The following SND1 variants were observed in gnomAD, a reference collection of about 807,000 sequenced individuals.
SND1 encodes the protein staphylococcal nuclease and tudor domain containing 1, also known as staphylococcal nuclease domain-containing protein 1.
SND1 carries 38 observed loss-of-function variants against 121.7 expected under a neutral mutation model. The ratio of observed to expected loss-of-function variants is 0.31; its 90% confidence interval spans 0.24 to 0.41. SND1 has a LOEUF of 0.41. Among genes scored for constraint, SND1 ranks in the 10% least tolerant of loss-of-function variants. The pLI, the probability that SND1 is intolerant of heterozygous loss-of-function variation, is 1.00. For synonymous variants in SND1, 401 were observed against 447.4 expected (o/e 0.90, Z 1.31); for missense variants, 868 against 1,184.6 (o/e 0.73, Z 3.92).
intron 1 of SND1, among the ~76,000 whole-genome samples, chr7:127,680,596 G>T (rs1795703830): frequency 6.6e-6 from 1 of 151,922 alleles, no homozygotes; most frequent in Admixed American, 6.6e-5. Flanking sequence ...GTTCCGCCCG[G>T]CTCACCGGCG....
At chr7:127,853,108 A>G (rs1167142836) in intron 12 of SND1, among the ~76,000 whole-genome samples, 1 of 152,178 alleles carries the variant, frequency 6.6e-6, no homozygotes, top group African/African-American at 2.4e-5. Context: ...CTGGTCCTGC[A>G]GCAGAGAGGA....
chr7:127,780,219 T>C (rs1279812780), intron 10 of SND1, among the ~76,000 whole-genome samples: 1 of 152,196 alleles, frequency 6.6e-6, no homozygotes, highest in Non-Finnish European at 1.5e-5. Context: ...TTAGTTTTGG[T>C]TTCTTATGTG....
chr7:127,676,933 G>A (rs1476768767), intron 1 of SND1, among the ~76,000 whole-genome samples: 1 of 152,160 alleles, frequency 6.6e-6, no homozygotes, highest in Non-Finnish European at 1.5e-5. Context: ...GTAGAGATGG[G>A]GTTTCACCTT....
At chr7:127,884,165 C>G (rs1189933910) in intron 12 of SND1, among the ~76,000 whole-genome samples, 1 of 152,072 alleles carries the variant, frequency 6.6e-6, no homozygotes, top group East Asian at 1.9e-4. Flanking sequence ...GACATGTCTC[C>G]TATTTTTTTT....
chr7:127,947,713 A>G (rs1801359923), intron 15 of SND1, among the ~76,000 whole-genome samples: 1 of 152,134 alleles, frequency 6.6e-6, no homozygotes, highest in Non-Finnish European at 1.5e-5. Context: ...CTCTTATCAT[A>G]TTTGCAGTTC....
intron 13 of SND1, among the ~76,000 whole-genome samples, chr7:127,895,330 C>G (rs1450292530): frequency 2.6e-5 from 4 of 152,058 alleles, no homozygotes; most frequent in African/African-American, 9.7e-5. Context: ...ATTTTTAGCT[C>G]AAGCATCATA....
At chr7:127,956,344 T>A (rs1434711130) in intron 15 of SND1, among the ~76,000 whole-genome samples, 3 of 152,206 alleles carry the variant, frequency 2.0e-5, no homozygotes, top group African/African-American at 7.2e-5. Context: ...CATTTATAGC[T>A]GGACTGTGGC....
rs1042155226 is a variant in SND1, at chr7:127,940,556, G to T, written c.1669+11227G>T. Among the ~76,000 whole-genome samples, 5 of 152,210 alleles carry T rather than the reference G, an allele frequency of 3.3e-5. No individual in the cohort carries two copies. The East Asian group carries it at 7.7e-4, about 23-fold the overall frequency. Reference sequence around the variant, plus strand: ...GCCAGGGTGAACAGTGCACACTGCTGTAAGACTTAATCCTGGTTGCTATGG... The same window carrying T: ...GCCAGGGTGAACAGTGCACACTGCTTTAAGACTTAATCCTGGTTGCTATGG... On this transcript the variant is annotated intron_variant, in intron 15 of 23. Transcript: ENST00000354725.
At chr7:128,035,254 G>T (rs557573408) in intron 16 of SND1, among the ~76,000 whole-genome samples, 1 of 152,152 alleles carries the variant, frequency 6.6e-6, no homozygotes, top group Non-Finnish European at 1.5e-5. Flanking sequence ...GTTTCTTACC[G>T]CTCTCTTAGT....
At chr7:127,910,035 G>C (rs1800421519) in intron 14 of SND1, among the ~76,000 whole-genome samples, 2 of 152,194 alleles carry the variant, frequency 1.3e-5, no homozygotes, top group African/African-American at 2.4e-5. Context: ...TAATAGCACT[G>C]TCATCCTTTC....
At chr7:127,676,564 A>T (rs1479758679) in intron 1 of SND1, among the ~76,000 whole-genome samples, 1 of 152,208 alleles carries the variant, frequency 6.6e-6, no homozygotes, top group Non-Finnish European at 1.5e-5. Flanking sequence ...CAAACTTAAG[A>T]GATGATACTT....
intron 13 of SND1, among the ~76,000 whole-genome samples, chr7:127,892,191 C>T (rs1454749551): frequency 6.6e-6 from 1 of 152,118 alleles, no homozygotes; most frequent in African/African-American, 2.4e-5. Context: ...GTCAGCACAG[C>T]TGCCTGCCTA....
At chr7:127,968,984 C>T (rs554414996) in intron 15 of SND1, among the ~76,000 whole-genome samples, 4 of 152,314 alleles carry the variant, frequency 2.6e-5, no homozygotes, top group East Asian at 1.9e-4. Flanking sequence ...TCAGTCTTTA[C>T]GACTCAACTC....
chr7:128,028,465 TC>T (rs977908719), intron 16 of SND1: 65 of 486,036 alleles, frequency 1.3e-4, no homozygotes, highest in Non-Finnish European at 1.8e-4. Flanking sequence ...TTCCCAAGAT[TC>T]CCCCCCACCC....
intron 2 of SND1, among the ~76,000 whole-genome samples, chr7:127,689,704 C>T (rs550925594): frequency 1.3e-5 from 2 of 152,278 alleles, no homozygotes; most frequent in East Asian, 3.9e-4. Flanking sequence ...ACTGTTTCTC[C>T]TGGTAACTCT....
chr7:128,066,871 G>A (rs1793324805), intron 16 of SND1, among the ~76,000 whole-genome samples: 1 of 152,144 alleles, frequency 6.6e-6, no homozygotes, highest in African/African-American at 2.4e-5. Context: ...GGTTACTCCA[G>A]AACACTACTC....
At chr7:127,983,754 A>G (rs944540909) in intron 15 of SND1, among the ~76,000 whole-genome samples, 4 of 152,148 alleles carry the variant, frequency 2.6e-5, no homozygotes, top group Admixed American at 6.5e-5. Context: ...TGAAATCACA[A>G]TTCACTGGCC....
intron 15 of SND1, among the ~76,000 whole-genome samples, chr7:127,979,109 A>G (rs76903498): frequency 0.012 from 1,816 of 152,348 alleles, 12 homozygotes; most frequent in Non-Finnish European, 0.018. Context: ...TGTTACAAAT[A>G]TTCATGGTAC....
intron 14 of SND1, among the ~76,000 whole-genome samples, chr7:127,921,604 T>G (rs758048416): frequency 1.3e-5 from 2 of 152,190 alleles, no homozygotes; most frequent in African/African-American, 2.4e-5. Flanking sequence ...CAGTAAAATG[T>G]TCTCATTTTT....
Sources: allele counts gnomAD v4.1 joint callset (sites outside exome capture counted in the v4.1 genomes callset), GRCh38; gene constraint gnomAD v4.1.1; transcripts MANE v1.5; gene names NCBI Gene and HGNC (gene_info 2026-07-23, HGNC 2026-07-21).